Variants in SRPK2 observed in about 807,000 individuals in gnomAD.
The protein encoded by SRPK2 is SRSF protein kinase 2.
SRPK2 carries 21 observed loss-of-function variants against 90.8 expected under a neutral mutation model. The ratio of observed to expected loss-of-function variants is 0.23; its 90% CI spans 0.16 to 0.33. The LOEUF (loss-of-function observed/expected upper bound fraction) is 0.33, where lower values mean the gene tolerates loss of function less well. Ranked by LOEUF, SRPK2 falls within the 10% of genes least tolerant of loss-of-function variation. The pLI is 1.00. For missense variants in SRPK2, 620 were observed against 869.0 expected (o/e 0.71, Z 3.60); for synonymous variants, 288 against 311.1 (o/e 0.93, Z 0.78).
chr7:105,232,460 A>T (rs1442290948), intron 2 of SRPK2, among the ~76,000 whole-genome samples: 21 of 3,970 alleles, frequency 5.3e-3, no homozygotes, highest in African/African-American at 0.011. Context: ...ACCTTATCTA[A>T]AAAAAAAAAA....
At chr7:105,227,591 G>A (rs1351977771) in intron 2 of SRPK2, among the ~76,000 whole-genome samples, 1 of 151,338 alleles carries the variant, frequency 6.6e-6, no homozygotes, top group African/African-American at 2.4e-5. Flanking sequence ...TGTTGGTGAG[G>A]ATCCTGGGAA....
chr7:105,218,966 G>T (rs1237327788), intron 2 of SRPK2, among the ~76,000 whole-genome samples: 8 of 151,902 alleles, frequency 5.3e-5, no homozygotes, highest in Non-Finnish European at 1.0e-4. Context: ...GAATAGAGAA[G>T]AGATGACAAC....
chr7:105,348,175 G>A (rs923995832), intron 2 of SRPK2, among the ~76,000 whole-genome samples: 5 of 143,702 alleles, frequency 3.5e-5, no homozygotes, highest in East Asian at 4.4e-4. Context: ...GGGTTCAAGC[G>A]ATTCTCATGC....
intron 2 of SRPK2, among the ~76,000 whole-genome samples, chr7:105,227,439 C>CA (rs1798848029): frequency 6.6e-6 from 1 of 152,010 alleles, no homozygotes; most frequent in Admixed American, 6.6e-5. Flanking sequence ...GATGTTCCTC[C>CA]AAAAAAGACA....
chr7:105,338,768 A>G (rs1459078737), intron 2 of SRPK2, among the ~76,000 whole-genome samples: 2 of 152,100 alleles, frequency 1.3e-5, no homozygotes, highest in Non-Finnish European at 2.9e-5. Context: ...TTGTTGAAAT[A>G]TTTCACTTTT....
At chr7:105,168,744 A>AGTGTGTGTGTGTGTGTGTGTGT (rs1165915539) in intron 4 of SRPK2, among the ~76,000 whole-genome samples, 1 of 25,408 alleles carries the variant, frequency 3.9e-5, no homozygotes, top group Non-Finnish European at 1.4e-4. Context: ...ACACGCACCA[A>AGTGTGTGTGTGTGTGTGTGTGT]ATGTGTGTGT....
intron 2 of SRPK2, among the ~76,000 whole-genome samples, chr7:105,207,640 T>TA (rs934511285): frequency 2.6e-5 from 4 of 152,142 alleles, no homozygotes; most frequent in African/African-American, 7.2e-5. Context: ...GCAAAATAAA[T>TA]AAAGTTGGAC....
At chr7:105,336,248 G>A (rs1457598797) in intron 2 of SRPK2, among the ~76,000 whole-genome samples, 1 of 152,014 alleles carries the variant, frequency 6.6e-6, no homozygotes, top group Non-Finnish European at 1.5e-5. Context: ...TCTTTACAAC[G>A]TTTTACTAAA....
chr7:105,247,539 C>A (rs1443602657), intron 2 of SRPK2, among the ~76,000 whole-genome samples: 5 of 111,370 alleles, frequency 4.5e-5, no homozygotes, highest in African/African-American at 1.6e-4. Flanking sequence ...TAAACACACA[C>A]ACACACACAC....
chr7:105,127,116 A>G (rs1010600467), intron 13 of SRPK2, 54 bp from the exon 14 acceptor site: 5 of 1,577,348 alleles, frequency 3.2e-6, no homozygotes, highest in Non-Finnish European at 4.4e-6. Context: ...CCCCAAGTCA[A>G]CAGCTTTTTC....
chr7:105,115,314 G>A (rs770193333), downstream of SRPK2: 3 of 152,206 alleles, frequency 2.0e-5, no homozygotes, highest in African/African-American at 4.8e-5. Context: ...GTATGGTCCA[G>A]GTATGGGAAG....
chr7:105,179,982 A>C (rs1792548938), intron 3 of SRPK2, among the ~76,000 whole-genome samples: 1 of 152,160 alleles, frequency 6.6e-6, no homozygotes. Context: ...GGAAAAATCA[A>C]TATTGTTAAA....
At chr7:105,145,147 T>C in intron 9 of SRPK2, 136 bp downstream of exon 9, 1 of 492,728 alleles carries the variant, frequency 2.0e-6, no homozygotes, top group Non-Finnish European at 3.3e-6. Flanking sequence ...CATTAAGTCT[T>C]ACCTATTTGA....
intron 2 of SRPK2, among the ~76,000 whole-genome samples, chr7:105,368,760 C>T (rs1024571020): frequency 3.3e-5 from 5 of 152,026 alleles, no homozygotes; most frequent in African/African-American, 1.2e-4. Context: ...TGGCGCATGC[C>T]TGTAATCCCA....
intron 2 of SRPK2, among the ~76,000 whole-genome samples, chr7:105,359,348 T>G (rs1818171038): frequency 1.3e-5 from 2 of 151,624 alleles, no homozygotes; most frequent in Non-Finnish European, 2.9e-5. Flanking sequence ...TTAGTAGAGA[T>G]GGGGTTTCAC....
intron 14 of SRPK2, among the ~76,000 whole-genome samples, chr7:105,126,732 C>T (rs893522342): frequency 2.6e-5 from 4 of 152,190 alleles, no homozygotes; most frequent in African/African-American, 4.8e-5. Flanking sequence ...TCTCAGCCAG[C>T]TGGGTTCCTG....
At chr7:105,341,471 G>T (rs1585790486) in intron 2 of SRPK2, among the ~76,000 whole-genome samples, 1 of 151,870 alleles carries the variant, frequency 6.6e-6, no homozygotes, top group Non-Finnish European at 1.5e-5. Context: ...CCAGGAGTTT[G>T]GGACCAGCCT....
chr7:105,356,518 C>T (rs890201034), intron 2 of SRPK2, among the ~76,000 whole-genome samples: 1 of 152,018 alleles, frequency 6.6e-6, no homozygotes, highest in South Asian at 2.1e-4. Context: ...GCCCAATACA[C>T]AATAAATACT....
chr7:105,248,987 A>G lies in SRPK2; in HGVS notation c.72-45202T>C, dbSNP rs576738613. ...GGTCTAGGAGAGGGTGGAAAATAACAAAACTGTCAATTCTGTCCACGTGTG... is the reference window on the plus strand; with the variant it reads ...GGTCTAGGAGAGGGTGGAAAATAACGAAACTGTCAATTCTGTCCACGTGTG... On this transcript the variant is annotated intron_variant, in intron 2 of 15. Coordinates refer to ENST00000393651, the MANE Select transcript of SRPK2 (RefSeq NM_182692.3). Among the ~76,000 whole-genome samples, 16 of 152,234 alleles carry G rather than the reference A, an allele frequency of 1.1e-4. No individual in the cohort carries two copies. The South Asian group carries it at 3.3e-3, about 32-fold the overall frequency.
Sources: allele counts gnomAD v4.1 joint callset (sites outside exome capture counted in the v4.1 genomes callset), GRCh38; gene constraint gnomAD v4.1.1; transcripts MANE v1.5; gene names NCBI Gene and HGNC (gene_info 2026-07-23, HGNC 2026-07-21).